Variants in STK38 observed in about 807,000 individuals in gnomAD.
The protein encoded by STK38 is serine/threonine kinase 38.
Under a neutral mutation model 59.0 loss-of-function variants are expected in STK38, and 26 were observed. That is an observed-to-expected ratio of 0.44 (90% CI 0.32 to 0.61). The LOEUF is 0.61. Ranked by LOEUF, STK38 falls within the 20% of genes least tolerant of loss-of-function variation. STK38 has a pLI of 0.04. For missense variants in STK38, 433 were observed against 566.0 expected, an observed-to-expected ratio of 0.76 and a Z score of 2.38; for synonymous variants, 175 against 176.6, an observed-to-expected ratio of 0.99 and a Z score of 0.07.
chr6:36,514,619 T>C (rs1777202950), intron 7 of STK38, among the ~76,000 whole-genome samples: 1 of 152,094 alleles, frequency 6.6e-6, no homozygotes, highest in Non-Finnish European at 1.5e-5. Context: ...ATCTTCTAAT[T>C]TGCTGTAAGT....
rs1582434161 is a variant in STK38, at chr6:36,519,798, T to A, written c.390+1936A>T. ...GTTTTTTGTCCCATCAATAACTGTA[T>A]ACTGGCATCACAACTGAAGGTTTTC... On this transcript the variant is annotated intron_variant, in intron 5 of 13. Transcript: ENST00000229812. Among the ~76,000 whole-genome samples the A allele has an allele frequency of 3.3e-5, 5 of 152,320 alleles. No homozygotes were observed. The East Asian group carries it at 9.6e-4, about 29-fold the overall frequency.
intron 9 of STK38, among the ~76,000 whole-genome samples, chr6:36,503,590 C>T (rs766725831): frequency 4.6e-5 from 7 of 152,090 alleles, no homozygotes; most frequent in Non-Finnish European, 1.0e-4. Flanking sequence ...TAAGAAATTA[C>T]AAACTCTTTA....
At chr6:36,497,391 C>G (rs1305445280) in intron 12 of STK38, among the ~76,000 whole-genome samples, 2 of 152,236 alleles carry the variant, frequency 1.3e-5, no homozygotes, top group South Asian at 2.1e-4. Context: ...CACTTCCACC[C>G]CTCCAATCTT....
rs1359066142 is a variant in STK38 at position 36,495,475 on chromosome 6, T to C, written c.*309A>G. The C allele has an allele frequency of 1.1e-5, 3 of 283,336 alleles. No homozygotes were observed. Among genetic ancestry groups the C allele is most frequent in the African/African-American group, 6.5e-5 (3 of 45,996 alleles). 17.6% of individuals were successfully genotyped at this position (283,336 alleles called of 1,614,324 possible). ...AATAATGTTGGATGATGGCTGTTTTTCCCCTTCATTCTGATGAACTTAGGA... is the reference window on the plus strand; with the variant it reads ...AATAATGTTGGATGATGGCTGTTTTCCCCCTTCATTCTGATGAACTTAGGA... On this transcript the variant is annotated 3_prime_UTR_variant, in exon 14 of 14. Coordinates refer to ENST00000229812, the MANE Select transcript of STK38 (RefSeq NM_007271.4).
At chr6:36,503,008 A>G (rs1182701428) in intron 9 of STK38, among the ~76,000 whole-genome samples, 1 of 152,118 alleles carries the variant, frequency 6.6e-6, no homozygotes, top group Non-Finnish European at 1.5e-5. Flanking sequence ...TTTCCTGTGG[A>G]TGGACACTGG....
At chr6:36,540,359 T>C (rs1259572573) in intron 1 of STK38, among the ~76,000 whole-genome samples, 152 bp from the exon 2 acceptor site, 1 of 152,164 alleles carries the variant, frequency 6.6e-6, no homozygotes, top group Admixed American at 6.5e-5. Context: ...AGAGAATACT[T>C]AGTGAAAATA....
At chr6:36,523,258 G>GTTTTT (rs1264389755) in intron 4 of STK38, among the ~76,000 whole-genome samples, 3 of 147,340 alleles carry the variant, frequency 2.0e-5, no homozygotes, top group Non-Finnish European at 4.5e-5. Flanking sequence ...GGGGTACCAG[G>GTTTTT]TTTTTTGTTT....
chr6:36,532,285 T>C (rs1777682339), intron 2 of STK38, among the ~76,000 whole-genome samples: 1 of 131,944 alleles, frequency 7.6e-6, no homozygotes, highest in South Asian at 2.3e-4. Context: ...CCAGCCTGGG[T>C]GACACAGTGA....
At chr6:36,511,476 C>T (rs961786470) in intron 7 of STK38, among the ~76,000 whole-genome samples, 1 of 151,956 alleles carries the variant, frequency 6.6e-6, no homozygotes, top group Non-Finnish European at 1.5e-5. Context: ...CTGCCTCAGC[C>T]ACCTGAGTAG....
chr6:36,500,984 G>A (rs565211179), intron 9 of STK38, among the ~76,000 whole-genome samples: 73 of 151,558 alleles, frequency 4.8e-4, no homozygotes, highest in Middle Eastern at 6.8e-3. Flanking sequence ...AGAAATGGGG[G>A]TCTCCCTTTG....
chr6:36,515,738 G>A (rs1031248113), intron 6 of STK38, among the ~76,000 whole-genome samples: 9 of 152,092 alleles, frequency 5.9e-5, no homozygotes, highest in African/African-American at 2.2e-4. Context: ...TTACTTTTGA[G>A]AGAAAAAGAA....
chr6:36,516,238 T>TA (rs1293302408), intron 6 of STK38, among the ~76,000 whole-genome samples: 1 of 152,224 alleles, frequency 6.6e-6, no homozygotes, highest in East Asian at 1.9e-4. Context: ...GTAACCTCGT[T>TA]AGTTTTCTGC....
In STK38 at chr6:36,495,607, TAC is replaced by T; in HGVS notation, c.*175_*176del. 2 of 745,628 alleles carry T rather than the reference TAC, an allele frequency of 2.7e-6. No individual in the cohort carries two copies. The highest frequency in any genetic ancestry group is 3.1e-5 in the East Asian group (1 of 32,506). 46.2% of individuals were successfully genotyped at this position (745,628 alleles called of 1,614,324 possible). ...CGTAGTAGAAATGGTTGTCTTTGTT[TAC>T]AGTTTTTCAGATGCATTATGGAAGA... On this transcript the variant is annotated 3_prime_UTR_variant, in exon 14 of 14. Coordinates refer to ENST00000229812, the MANE Select transcript of STK38 (RefSeq NM_007271.4).
At chr6:36,546,679 C>T (rs1284671856) in intron 1 of STK38, among the ~76,000 whole-genome samples, 3 of 152,156 alleles carry the variant, frequency 2.0e-5, no homozygotes, top group Non-Finnish European at 4.4e-5. Context: ...TTTTCCCTGC[C>T]TTTTCCTGTG....
intron 4 of STK38, 111 bp from the exon 5 acceptor site, chr6:36,521,928 G>A: frequency 1.3e-6 from 1 of 785,264 alleles, no homozygotes; most frequent in East Asian, 2.7e-5. Context: ...ATTTTAACAT[G>A]AGCAACTAGT....
intron 5 of STK38, 120 bp from the exon 6 acceptor site, chr6:36,517,960 A>G: frequency 7.7e-7 from 1 of 1,293,880 alleles, no homozygotes; most frequent in Non-Finnish European, 1.0e-6. Context: ...TCGTGATGAT[A>G]TAAAAGATCC....
At chr6:36,498,892 G>C (rs1290096245) in intron 10 of STK38, among the ~76,000 whole-genome samples, 1 of 151,978 alleles carries the variant, frequency 6.6e-6, no homozygotes, top group Non-Finnish European at 1.5e-5. Context: ...TGCCCGGCCT[G>C]ATTCTGTATG....
intron 2 of STK38, among the ~76,000 whole-genome samples, chr6:36,527,745 C>T (rs1033229957): frequency 5.3e-5 from 8 of 152,064 alleles, no homozygotes; most frequent in African/African-American, 1.4e-4. Flanking sequence ...CTCTCCTCCA[C>T]CACTCATCAG....
intron 8 of STK38, 135 bp from the exon 9 acceptor site, chr6:36,506,779 G>A: frequency 1.4e-6 from 1 of 707,568 alleles, no homozygotes; most frequent in Non-Finnish European, 2.3e-6. Context: ...AGCTCCAGAT[G>A]ATACATATCC....
Sources: allele counts gnomAD v4.1 joint callset (sites outside exome capture counted in the v4.1 genomes callset), GRCh38; gene constraint gnomAD v4.1.1; transcripts MANE v1.5; gene names NCBI Gene and HGNC (gene_info 2026-07-23, HGNC 2026-07-21).